The following DDO variants were observed in gnomAD, a reference collection of about 807,000 sequenced individuals.
The protein encoded by DDO is D-aspartate oxidase.
In DDO, 16 loss-of-function variants were observed where a neutral mutation model predicts 16.8. The observed-to-expected ratio is 0.95, with a 90% confidence interval of 0.65 to 1.45. The LOEUF (loss-of-function observed/expected upper bound fraction) is 1.45, where lower values mean the gene tolerates loss of function less well. Among genes scored for constraint, DDO ranks in the 40% most tolerant of loss-of-function variants. The probability of loss-of-function intolerance (pLI) is 0.00; values close to 1 mark genes in which losing one functional copy is unlikely to be tolerated. For missense variants in DDO, 429 were observed against 420.3 expected (o/e 1.02, Z -0.18); for synonymous variants, 180 against 167.2 (o/e 1.08, Z -0.59).
At chr6:110,396,728 G>A (rs188206190) in intron 4 of DDO, among the ~76,000 whole-genome samples, 461 of 151,906 alleles carry the variant, frequency 3.0e-3, no homozygotes, top group Middle Eastern at 0.01. Context: ...TGTTTTATAA[G>A]TAAAACTGTT....
At chr6:110,409,352 A>AGGGTT (rs1176254488) in intron 2 of DDO, among the ~76,000 whole-genome samples, 1 of 152,174 alleles carries the variant, frequency 6.6e-6, no homozygotes, top group Non-Finnish European at 1.5e-5. Context: ...GAGACTGGCT[A>AGGGTT]GGGTTAGGCC....
Position 110,413,301 on chromosome 6 carries a change from G to A in DDO, c.162C>T (p.His54=), listed in dbSNP as rs372803644. 1.4e-5 allele frequency: 22 copies of A among 1,613,984 alleles called. No homozygotes were observed. Among genetic ancestry groups the A allele is most frequent in the Non-Finnish European group, 1.9e-5 (22 of 1,180,000 alleles). Residue 54 remains histidine (H), a synonymous_variant, in exon 2 of 5, where the codon CAC becomes CAT. Transcript: ENST00000368924. ...GCTGAAATCTCTCACCTGGATAAGT[G>A]TGAGGAATAAGCATTCCGGCTGCCA... ...SDVAAGMLIP[H]TYPDTPIHTQ... is the part of the protein sequence containing the mutation.
At chr6:110,409,573 C>T (rs1562265295) in intron 2 of DDO, among the ~76,000 whole-genome samples, 1 of 152,218 alleles carries the variant, frequency 6.6e-6, no homozygotes, top group African/African-American at 2.4e-5. Flanking sequence ...GATTTTCAGA[C>T]AATTCGCTTG....
Position 110,393,280 on chromosome 6 carries a change from G to A in DDO, c.521C>T (p.Pro174Leu), listed in dbSNP as rs370285627. The change falls in exon 5 of 5, where the codon CCG becomes CTG. Residue 174 changes from proline to leucine, a missense_variant. Transcript: ENST00000368924. The stretch of plus-strand genomic sequence containing the variant: ...ACAGTTGACCACGATGTCAAAGGAC[G>A]GATGAAGTTCCCACAGGTCTTCTAT... ...RRIEDLWELH[P>L]SFDIVVNCSG... 5.5e-5 allele frequency: 88 copies of A among 1,613,478 alleles called. No individual in the cohort carries two copies. The highest frequency in any genetic ancestry group is 3.6e-5 in the Non-Finnish European group (42 of 1,179,602).
intron 4 of DDO, among the ~76,000 whole-genome samples, chr6:110,398,711 C>A (rs1333210790): frequency 6.6e-6 from 1 of 152,022 alleles, no homozygotes. Context: ...TCAGGCCGAG[C>A]AGGAGAACAC....
Position 110,398,429 on chromosome 6 carries a change from T to TACACACACACACAAACACACCA in DDO, c.459-5088_459-5087insTGGTGTGTTTGTGTGTGTGTGT, listed in dbSNP as rs1222174948. Among the ~76,000 whole-genome samples the TACACACACACACAAACACACCA allele has an allele frequency of 1.5e-4, 22 of 144,862 alleles. 1 individual carries two copies. Among genetic ancestry groups the TACACACACACACAAACACACCA allele is most frequent in the African/African-American group, 4.2e-4 (16 of 37,808 alleles). ...ACACACACACACACACACACACACTTGGCCTCCCAGGAGCAGAGTCCCCTC... is the reference window on the plus strand; with the variant it reads ...ACACACACACACACACACACACACTTACACACACACACAAACACACCAGGCCTCCCAGGAGCAGAGTCCCCTC... On this transcript the variant is annotated intron_variant, in intron 4 of 4. Coordinates refer to ENST00000368924, the MANE Select transcript of DDO (RefSeq NM_001372108.2).
chr6:110,393,479 A>G, intron 4 of DDO, 137 bp from the exon 5 acceptor site: 1 of 1,244,166 alleles, frequency 8.0e-7, no homozygotes. Context: ...TCCAGGGCCC[A>G]GTCAGGCCAA....
At position 110,413,399 on chromosome 6, in the gene DDO, T is replaced by A; in HGVS notation, c.64A>T (p.Ile22Phe). The A allele has an allele frequency of 6.2e-7, 1 of 1,614,066 alleles. No homozygotes were observed. Among genetic ancestry groups the A allele is most frequent in the Non-Finnish European group, 8.5e-7 (1 of 1,180,016 alleles). ...GAGCATCGGGGCACCAGTTTGGAGA[T>A]GCACACAGCCGTGGAGAGCCCCACC... ...GVVGLSTAVC[I>F]SKLVPRCSVT... Residue 22 changes from isoleucine to phenylalanine, a missense_variant, in exon 2 of 5, where the codon ATC becomes TTC. Ile to Phe is a conservative substitution (Grantham distance 21). Coordinates refer to ENST00000368924, the MANE Select transcript of DDO (RefSeq NM_001372108.2).
At chr6:110,390,216 G>A (rs948596190), downstream of DDO, among the ~76,000 whole-genome samples, 2 of 152,166 alleles carry the variant, frequency 1.3e-5, no homozygotes, top group East Asian at 1.9e-4. Context: ...TAGCAGTGGG[G>A]GCCTAGAAGG....
chr6:110,405,013 T>C, intron 3 of DDO, 63 bp from the exon 4 acceptor site: 1 of 1,429,272 alleles, frequency 7.0e-7, no homozygotes, highest in Middle Eastern at 1.8e-4. Flanking sequence ...TCTAGTAAAC[T>C]TCACATGACA....
chr6:110,413,422 A>C lies in DDO; in HGVS notation c.41T>G (p.Val14Gly), dbSNP rs1441739849. The C allele has an allele frequency of 1.2e-6, 2 of 1,613,926 alleles. No individual in the cohort carries two copies. Among genetic ancestry groups the C allele is most frequent in the South Asian group, 2.2e-5 (2 of 91,062 alleles). ...GATGCACACAGCCGTGGAGAGCCCCACCACACCTGCCCCGACAACTGCAAT... is the reference window on the plus strand; with the variant it reads ...GATGCACACAGCCGTGGAGAGCCCCCCCACACCTGCCCCGACAACTGCAAT... ...ARIAVVGAGVVGLSTAVCISK... is the reference protein window; with the variant it reads ...ARIAVVGAGVGGLSTAVCISK... Residue 14 changes from valine (V) to glycine (G), a missense_variant, in exon 2 of 5, where the codon GTG becomes GGG. Transcript: ENST00000368924.
rs767025906 is a variant in DDO at position 110,404,733 on chromosome 6, CT to C, written c.458+40del. Reference sequence around the variant, plus strand: ...TGAATAGCTACGAAGTGATTTATGGCTATGACAGATAAGGAAATATCAGGGA... The same window carrying C: ...TGAATAGCTACGAAGTGATTTATGGCATGACAGATAAGGAAATATCAGGGA... On this transcript the variant is annotated intron_variant, in intron 4 of 4. Transcript: ENST00000368924. 98 of 1,603,304 alleles carry C rather than the reference CT, an allele frequency of 6.1e-5. No homozygotes were observed. The East Asian group carries it at 2.0e-3, about 33-fold the overall frequency.
intron 4 of DDO, among the ~76,000 whole-genome samples, chr6:110,398,427 CTT>C (rs1344700566): frequency 0.034 from 4,808 of 140,678 alleles, 163 homozygotes; most frequent in African/African-American, 0.097. Context: ...CACACACACA[CTT>C]GGCCTCCCAG....
At chr6:110,411,779 GATAAAAA>G (rs1773865324) in intron 2 of DDO, among the ~76,000 whole-genome samples, 1 of 151,996 alleles carries the variant, frequency 6.6e-6, no homozygotes, top group Non-Finnish European at 1.5e-5. Context: ...ATATAACTTT[GATAAAAA>G]ATAAAAAATA....
Position 110,393,257 on chromosome 6 carries a change from A to G in DDO, c.544T>C (p.Cys182Arg). The stretch of plus-strand genomic sequence containing the variant: ...AGCTGTCTGCTTCCAAGGCCTGAAC[A>G]GTTGACCACGATGTCAAAGGACGGA... ...LHPSFDIVVN[C>R]SGLGSRQLAG... Residue 182 changes from cysteine (C) to arginine (R), a missense_variant, in exon 5 of 5, where the codon TGT becomes CGT. Physicochemically the swap from Cys to Arg is radical, Grantham distance 180. Transcript: ENST00000368924. 6.2e-7 allele frequency: 1 copy of G among 1,614,118 alleles called. No homozygotes were observed. Among genetic ancestry groups the G allele is most frequent in the Non-Finnish European group, 8.5e-7 (1 of 1,179,930 alleles).
At chr6:110,395,791 G>A (rs1169183869) in intron 4 of DDO, among the ~76,000 whole-genome samples, 20 of 152,128 alleles carry the variant, frequency 1.3e-4, no homozygotes, top group Admixed American at 1.2e-3. Context: ...CTAACTTTCC[G>A]CCCCACTTCC....
At chr6:110,415,189 T>C (rs1221362548) in intron 1 of DDO, among the ~76,000 whole-genome samples, 2 of 152,228 alleles carry the variant, frequency 1.3e-5, no homozygotes, top group Non-Finnish European at 2.9e-5. Flanking sequence ...AGTAGAGCTG[T>C]CCTGCAGCCA....
At chr6:110,398,383 TACACACACACACAC>T (rs372325600) in intron 4 of DDO, among the ~76,000 whole-genome samples, 25 of 110,278 alleles carry the variant, frequency 2.3e-4, no homozygotes, top group South Asian at 5.5e-4. Context: ...CTTAAATGCG[TACACACACACACAC>T]ACACACACAC....
intron 2 of DDO, among the ~76,000 whole-genome samples, chr6:110,412,748 T>C (rs965295059): frequency 4.6e-5 from 7 of 152,206 alleles, no homozygotes; most frequent in Non-Finnish European, 1.0e-4. Context: ...CCACATGTAG[T>C]GTGAGCAAGA....
Sources: gnomAD v4.1 joint callset for allele counts (sites outside exome capture counted in the v4.1 genomes callset) on GRCh38, gnomAD v4.1.1 for gene constraint, MANE v1.5 for transcripts, NCBI Gene and HGNC (gene_info 2026-07-23, HGNC 2026-07-21) for gene names.